ASAP1: variants seen among roughly 807,000 people sequenced by gnomAD.
The protein encoded by ASAP1 is ArfGAP with SH3 domain, ankyrin repeat and PH domain 1.
In ASAP1, 43 loss-of-function variants were observed where a neutral mutation model predicts 145.2. The ratio of observed to expected loss-of-function variants is 0.30; its 90% CI spans 0.23 to 0.38. The LOEUF is 0.38. Among genes scored for constraint, ASAP1 ranks in the 10% least tolerant of loss-of-function variants. The pLI, the probability that ASAP1 is intolerant of heterozygous loss-of-function variation, is 1.00. For missense variants in ASAP1, 1,018 were observed against 1,355.3 expected (o/e 0.75, Z 3.91); for synonymous variants, 546 against 515.5 (o/e 1.06, Z -0.80).
chr8:130,270,082 A>C (rs1226269379), intron 3 of ASAP1, among the ~76,000 whole-genome samples: 1 of 152,220 alleles, frequency 6.6e-6, no homozygotes, highest in Non-Finnish European at 1.5e-5. Context: ...AGGCACAAGA[A>C]TCGCTTGAAC....
intron 27 of ASAP1, among the ~76,000 whole-genome samples, chr8:130,066,533 C>G (rs1592722611): frequency 1.3e-5 from 2 of 151,984 alleles, no homozygotes; most frequent in South Asian, 4.2e-4. Flanking sequence ...TTCTTTCTTC[C>G]TTTCCTTCCC....
chr8:130,442,774 T>G (rs1057250940), intron 1 of ASAP1, among the ~76,000 whole-genome samples: 1 of 152,138 alleles, frequency 6.6e-6, no homozygotes, highest in Non-Finnish European at 1.5e-5. Context: ...CCTCTTGGGA[T>G]GTATCAAACC....
intron 24 of ASAP1, among the ~76,000 whole-genome samples, chr8:130,095,294 ATTTTTTTTT>A (rs71302392): frequency 3.1e-5 from 3 of 95,704 alleles, no homozygotes; most frequent in Non-Finnish European, 5.9e-5. Flanking sequence ...TAGGCCAGTG[ATTTTTTTTT>A]TTTTTTTTTT....
chr8:130,329,333 A>T (rs1265009658), intron 3 of ASAP1, among the ~76,000 whole-genome samples: 1 of 152,214 alleles, frequency 6.6e-6, no homozygotes, highest in Non-Finnish European at 1.5e-5. Context: ...ATGAAGATAC[A>T]ACAAAGCTTC....
chr8:130,251,270 T>C (rs886277722), intron 3 of ASAP1, among the ~76,000 whole-genome samples: 26 of 151,972 alleles, frequency 1.7e-4, no homozygotes, highest in African/African-American at 6.0e-4. Context: ...ATACAAAAAT[T>C]AGCCCGATGT....
chr8:130,120,577 G>C (rs868329348), intron 18 of ASAP1, among the ~76,000 whole-genome samples: 1 of 152,194 alleles, frequency 6.6e-6, no homozygotes, highest in East Asian at 1.9e-4. Flanking sequence ...AAGTTGCGGG[G>C]AGGTAGATCT....
chr8:130,216,567 G>A (rs1586613690), intron 4 of ASAP1, among the ~76,000 whole-genome samples: 1 of 152,152 alleles, frequency 6.6e-6, no homozygotes, highest in Non-Finnish European at 1.5e-5. Flanking sequence ...CCTCTCCATT[G>A]TCTTTGCTGG....
chr8:130,070,933 G>C (rs1592732651), intron 27 of ASAP1, among the ~76,000 whole-genome samples: 2 of 26,306 alleles, frequency 7.6e-5, no homozygotes, highest in African/African-American at 4.7e-4. Flanking sequence ...GAGGGGGAGA[G>C]AGAGGGGGAG....
intron 2 of ASAP1, among the ~76,000 whole-genome samples, chr8:130,364,883 T>C (rs1229494034): frequency 2.0e-5 from 3 of 152,100 alleles, no homozygotes; most frequent in Non-Finnish European, 2.9e-5. Context: ...TGAGCTATGA[T>C]TGCACCACTG....
intron 7 of ASAP1, among the ~76,000 whole-genome samples, chr8:130,186,823 T>C (rs1430954800): frequency 6.6e-6 from 1 of 152,220 alleles, no homozygotes; most frequent in East Asian, 1.9e-4. Flanking sequence ...AAAAAACACT[T>C]AGTGCACGTC....
At chr8:130,370,768 G>A (rs1827175542) in intron 2 of ASAP1, among the ~76,000 whole-genome samples, 1 of 152,216 alleles carries the variant, frequency 6.6e-6, no homozygotes, top group Admixed American at 6.5e-5. Flanking sequence ...ATGAAACTTG[G>A]AAACATTATG....
At chr8:130,151,498 G>C (rs57964550) in intron 13 of ASAP1, among the ~76,000 whole-genome samples, 1 of 149,634 alleles carries the variant, frequency 6.7e-6, no homozygotes, top group East Asian at 2.0e-4. Context: ...TCTGATATCA[G>C]ATGGGTAGCT....
intron 1 of ASAP1, among the ~76,000 whole-genome samples, chr8:130,406,942 T>C (rs1829058403): frequency 6.6e-6 from 1 of 152,210 alleles, no homozygotes; most frequent in Admixed American, 6.5e-5. Flanking sequence ...ATTCCACCTC[T>C]TCTAGGAAGC....
chr8:130,070,822 GGAGAGAGGGAGAGAGAGGGAGAGAGGGA>G (rs2097441692), intron 27 of ASAP1, among the ~76,000 whole-genome samples: 1 of 58,566 alleles, frequency 1.7e-5, no homozygotes, highest in African/African-American at 6.8e-5. Context: ...GGGGAGAGAG[GGAGAGAGGGAGAGAGAGGGAGAGAGGGA>G]GAGAGAGGGA....
intron 9 of ASAP1, among the ~76,000 whole-genome samples, chr8:130,176,909 T>C (rs1207569303): frequency 1.3e-5 from 2 of 152,058 alleles, no homozygotes; most frequent in Admixed American, 6.6e-5. Context: ...AGGCTGGTGT[T>C]GAACTCCTGT....
intron 1 of ASAP1, 146 bp downstream of exon 1, chr8:130,443,314 A>T (rs868719328): frequency 1.3e-5 from 2 of 151,498 alleles, no homozygotes; most frequent in African/African-American, 2.4e-5. Flanking sequence ...GCGGAGAAGG[A>T]CACCCCGCTG....
At chr8:130,079,244 GCTGA>G (rs1017381415) in intron 26 of ASAP1, among the ~76,000 whole-genome samples, 10 of 152,130 alleles carry the variant, frequency 6.6e-5, no homozygotes, top group African/African-American at 1.7e-4. Flanking sequence ...CTGGATAAGA[GCTGA>G]CTCTTTTTCC....
At chr8:130,306,383 CT>C (rs1185370209) in intron 3 of ASAP1, among the ~76,000 whole-genome samples, 3 of 152,110 alleles carry the variant, frequency 2.0e-5, no homozygotes, top group African/African-American at 7.2e-5. Flanking sequence ...TTAATAGCTC[CT>C]TTTTAAATGT....
At chr8:130,096,672 A>C (rs56349521) in intron 24 of ASAP1, among the ~76,000 whole-genome samples, 20,455 of 152,244 alleles carry the variant, frequency 0.13, 1,443 homozygotes, top group South Asian at 0.29. Context: ...ATGTTAGTTT[A>C]GCATCAGCTG....
Sources: gnomAD v4.1 joint callset for allele counts (sites outside exome capture counted in the v4.1 genomes callset) on GRCh38, gnomAD v4.1.1 for gene constraint, MANE v1.5 for transcripts, NCBI Gene and HGNC (gene_info 2026-07-23, HGNC 2026-07-21) for gene names.